SAMD12: variants seen among roughly 807,000 people sequenced by gnomAD.
SAMD12 encodes the protein sterile alpha motif domain-containing protein 12.
In SAMD12, 9 loss-of-function variants were observed where a neutral mutation model predicts 15.0. The observed-to-expected ratio is 0.60, with a 90% CI of 0.36 to 1.05. SAMD12 has a LOEUF of 1.05. SAMD12 is among the 50% of genes least tolerant of loss of function. The probability of loss-of-function intolerance (pLI) is 0.01; values close to 1 mark genes in which losing one functional copy is unlikely to be tolerated. For missense variants in SAMD12, 230 were observed against 234.2 expected (o/e 0.98, Z 0.12); for synonymous variants, 86 against 90.1 (o/e 0.96, Z 0.25).
At chr8:118,548,739 G>C (rs1287609205) in intron 2 of SAMD12, among the ~76,000 whole-genome samples, 2 of 152,258 alleles carry the variant, frequency 1.3e-5, no homozygotes, top group Admixed American at 1.3e-4. Context: ...CCTCACTCGG[G>C]AAGTGCAAGG....
chr8:118,159,768 C>A, the SAMD12 span, among the ~76,000 whole-genome samples: 5 of 147,840 alleles, frequency 3.4e-5, no homozygotes, highest in Non-Finnish European at 7.4e-5. Context: ...CAGGCTGCAG[C>A]GCAATGGTAC....
At chr8:118,366,174 T>C (rs1465439519) in intron 4 of SAMD12, among the ~76,000 whole-genome samples, 2 of 152,344 alleles carry the variant, frequency 1.3e-5, no homozygotes, top group East Asian at 1.9e-4. Context: ...GGCAATTTTA[T>C]ATGTGTTTGA....
At chr8:118,547,799 C>A (rs1826175092) in intron 2 of SAMD12, among the ~76,000 whole-genome samples, 1 of 152,008 alleles carries the variant, frequency 6.6e-6, no homozygotes, top group Non-Finnish European at 1.5e-5. Context: ...TAGTTTTCAC[C>A]TTGTCCTAAG....
intron 1 of SAMD12, among the ~76,000 whole-genome samples, chr8:118,606,480 G>A (rs1190805125): frequency 1.3e-5 from 2 of 152,010 alleles, no homozygotes; most frequent in Non-Finnish European, 2.9e-5. Context: ...CAGAGTATAC[G>A]TAAAGCCAGA....
At chr8:118,154,749 T>C in the SAMD12 span, among the ~76,000 whole-genome samples, 53 of 152,238 alleles carry the variant, frequency 3.5e-4, no homozygotes, top group African/African-American at 1.3e-3. Flanking sequence ...ATTTGTGCAA[T>C]AGAAAATTAG....
At chr8:118,165,040 G>T in the SAMD12 span, among the ~76,000 whole-genome samples, 1 of 151,198 alleles carries the variant, frequency 6.6e-6, no homozygotes, top group Non-Finnish European at 1.5e-5. Flanking sequence ...CAGACAGCAA[G>T]GGGTATCCTA....
chr8:118,551,510 G>C (rs551733051), intron 2 of SAMD12, among the ~76,000 whole-genome samples: 40 of 152,074 alleles, frequency 2.6e-4, no homozygotes, highest in African/African-American at 9.4e-4. Flanking sequence ...CAGAATCTCT[G>C]GGACACATTC....
chr8:118,173,262 C>A, the SAMD12 span, among the ~76,000 whole-genome samples: 1 of 152,132 alleles, frequency 6.6e-6, no homozygotes, highest in Non-Finnish European at 1.5e-5. Flanking sequence ...TAGCTTACAA[C>A]GTGTTAGGTG....
chr8:118,406,149 C>A (rs1052145530), intron 3 of SAMD12, among the ~76,000 whole-genome samples: 11 of 151,852 alleles, frequency 7.2e-5, no homozygotes, highest in African/African-American at 2.4e-4. Context: ...AGGACCCTCC[C>A]TGACATGCCT....
the SAMD12 span, among the ~76,000 whole-genome samples, chr8:118,163,990 G>A: frequency 6.6e-6 from 1 of 152,226 alleles, no homozygotes; most frequent in African/African-American, 2.4e-5. Flanking sequence ...GTATCGGTAG[G>A]AACGAGGTTT....
intron 4 of SAMD12, among the ~76,000 whole-genome samples, chr8:118,298,734 G>C (rs1282114558): frequency 2.0e-5 from 3 of 152,090 alleles, no homozygotes; most frequent in African/African-American, 4.8e-5. Flanking sequence ...AGCAACACTT[G>C]CTTGAATTGT....
chr8:118,230,853 C>A (rs1428357698), intron 4 of SAMD12, among the ~76,000 whole-genome samples: 3 of 152,048 alleles, frequency 2.0e-5, no homozygotes, highest in South Asian at 2.1e-4. Context: ...AGGAAGGAAC[C>A]CAATCGAGTG....
chr8:118,238,940 T>G (rs1240412461), intron 4 of SAMD12, among the ~76,000 whole-genome samples: 1 of 152,108 alleles, frequency 6.6e-6, no homozygotes, highest in Non-Finnish European at 1.5e-5. Flanking sequence ...ATAACAACAT[T>G]ATACCAATAT....
chr8:118,525,931 T>C (rs1171052196), intron 2 of SAMD12, among the ~76,000 whole-genome samples: 4 of 152,210 alleles, frequency 2.6e-5, no homozygotes, highest in African/African-American at 9.6e-5. Flanking sequence ...CCAGCTTTGT[T>C]GACATCAGTG....
chr8:118,407,912 T>C (rs1343557966), intron 3 of SAMD12, among the ~76,000 whole-genome samples: 2 of 152,110 alleles, frequency 1.3e-5, no homozygotes, highest in Admixed American at 1.3e-4. Flanking sequence ...ACTATCTTAC[T>C]ATTAACCCTT....
chr8:118,423,551 T>C (rs1252092242), intron 3 of SAMD12, among the ~76,000 whole-genome samples: 1 of 152,180 alleles, frequency 6.6e-6, no homozygotes, highest in East Asian at 1.9e-4. Flanking sequence ...ACCAGGCTTA[T>C]AGACAAGAGT....
At chr8:118,516,891 G>A (rs1457399820) in intron 2 of SAMD12, among the ~76,000 whole-genome samples, 4 of 152,022 alleles carry the variant, frequency 2.6e-5, no homozygotes, top group East Asian at 3.9e-4. Flanking sequence ...CACCCGCCTC[G>A]GCCTCCCAAA....
At chr8:118,359,618 C>G (rs1252661669) in intron 4 of SAMD12, among the ~76,000 whole-genome samples, 1 of 152,128 alleles carries the variant, frequency 6.6e-6, no homozygotes, top group Admixed American at 6.6e-5. Context: ...GTGTTTGAAT[C>G]CTTGCTTCAT....
At position 118,245,949 on chromosome 8, in the gene SAMD12, G is replaced by C. The variant is rs112024544; in HGVS notation, c.434-48217C>G. 1.2e-3 allele frequency among the ~76,000 whole-genome samples: 182 copies of C among 152,282 alleles called. 1 individual carries two copies. The highest frequency in any genetic ancestry group is 4.2e-3 in the African/African-American group (175 of 41,574). On this transcript the variant is annotated intron_variant, in intron 4 of 4. Coordinates refer to the SAMD12 transcript ENST00000409003. ...TCATTTACAAGAAGGTTGAGAAGCA[G>C]CTGCAGGAGGTAGGCAGCACGGTGG...
Sources: gnomAD v4.1 joint callset for allele counts (sites outside exome capture counted in the v4.1 genomes callset) on GRCh38, gnomAD v4.1.1 for gene constraint, MANE v1.5 for transcripts, NCBI Gene and HGNC (gene_info 2026-07-23, HGNC 2026-07-21) for gene names.